PMFBP1: variants seen among roughly 807,000 people sequenced by gnomAD.
PMFBP1 encodes the protein polyamine-modulated factor 1-binding protein 1.
Under a neutral mutation model 137.8 loss-of-function variants are expected in PMFBP1, and 131 were observed. The ratio of observed to expected loss-of-function variants is 0.95; its 90% CI spans 0.82 to 1.10. The LOEUF is 1.10. Among genes scored for constraint, PMFBP1 ranks in the 50% least tolerant of loss-of-function variants. The pLI is 0.00. For synonymous variants in PMFBP1, 490 were observed against 450.4 expected, an observed-to-expected ratio of 1.09 and a Z score of -1.11; for missense variants, 1,199 against 1,175.4, an observed-to-expected ratio of 1.02 and a Z score of -0.29.
rs1398468250 is a variant in PMFBP1 at position 72,136,303 on chromosome 16, C to T, written c.1203+145G>A. On this transcript the variant is annotated intron_variant, in intron 9 of 20. Coordinates refer to ENST00000237353, the MANE Select transcript of PMFBP1 (RefSeq NM_031293.3). The stretch of plus-strand genomic sequence containing the variant: ...TACCAAAGAAGTGCTTAGAATTGAG[C>T]CTGGGCCTGAAGAGCCACCATCTCA... 10 of 882,950 alleles carry T rather than the reference C, an allele frequency of 1.1e-5. 1 individual carries two copies. The highest frequency in any genetic ancestry group is 1.7e-5 in the African/African-American group (1 of 59,466). 54.7% of individuals were successfully genotyped at this position (882,950 alleles called of 1,614,324 possible).
chr16:72,140,474 C>G lies in PMFBP1; in HGVS notation c.745G>C (p.Val249Leu). 3.1e-6 allele frequency: 5 copies of G among 1,614,002 alleles called. No individual in the cohort carries two copies. The highest frequency in any genetic ancestry group is 4.2e-6 in the Non-Finnish European group (5 of 1,179,892). Reference sequence around the variant, plus strand: ...TGAATGAGATCATCCTGTTGAGAGACCTTTTGCCAGACTTCAGACAGTCGT... The same window carrying G: ...TGAATGAGATCATCCTGTTGAGAGAGCTTTTGCCAGACTTCAGACAGTCGT... ...QKRLSEVWQK[V>L]SQQDDLIQEL... The change falls in exon 6 of 21, where the codon GTC becomes CTC. Residue 249 changes from valine (V) to leucine (L), a missense_variant. Coordinates refer to ENST00000237353, the MANE Select transcript of PMFBP1 (RefSeq NM_031293.3).
In PMFBP1 at chr16:72,130,731, G is replaced by A. The variant is rs1378064352; in HGVS notation, c.1448-9C>T. The A allele has an allele frequency of 1.2e-6, 2 of 1,604,742 alleles. No individual in the cohort carries two copies. The highest frequency in any genetic ancestry group is 2.7e-5 in the African/African-American group (2 of 74,758). ...CTGGGCTGCTTGCTGAGCTGCAGAA[G>A]CAGGGAGATGGCCATGTGAGAAGGG... is the stretch of plus-strand genomic sequence containing the variant. On this transcript the variant is annotated splice_polypyrimidine_tract_variant and intron_variant, in intron 10 of 20. Transcript: ENST00000237353.
intron 14 of PMFBP1, 37 bp downstream of exon 14, chr16:72,128,620 C>A: frequency 6.2e-7 from 1 of 1,613,934 alleles, no homozygotes; most frequent in Non-Finnish European, 8.5e-7. Flanking sequence ...TCACAGGGTT[C>A]AAATTCCTCA....
At chr16:72,226,841 A>C in the PMFBP1 span, among the ~76,000 whole-genome samples, 160 of 152,318 alleles carry the variant, frequency 1.1e-3, no homozygotes, top group South Asian at 5.2e-3. Flanking sequence ...TAACCCCTTG[A>C]TCTCCATCAG....
the PMFBP1 span, among the ~76,000 whole-genome samples, chr16:72,197,343 G>T: frequency 6.6e-6 from 1 of 152,186 alleles, no homozygotes; most frequent in African/African-American, 2.4e-5. Context: ...AGGAGGCCTT[G>T]TTAGCAACCC....
At chr16:72,125,914 C>T in intron 15 of PMFBP1, 54 bp downstream of exon 15, 5 of 1,587,346 alleles carry the variant, frequency 3.1e-6, no homozygotes, top group Non-Finnish European at 4.3e-6. Flanking sequence ...CTCCCGCTAC[C>T]TTGACGTTTC....
chr16:72,229,587 TG>T, the PMFBP1 span, among the ~76,000 whole-genome samples: 47 of 152,316 alleles, frequency 3.1e-4, no homozygotes, highest in African/African-American at 1.1e-3. Context: ...GATTTAGATT[TG>T]CCTTTCTCTA....
At chr16:72,137,781 C>T (rs1470568959) in intron 7 of PMFBP1, among the ~76,000 whole-genome samples, 28 of 152,068 alleles carry the variant, frequency 1.8e-4, no homozygotes, top group Non-Finnish European at 1.5e-5. Flanking sequence ...AGGAGCAATT[C>T]GTTGCCTGGC....
At position 72,123,622 on chromosome 16, in the gene PMFBP1, G is replaced by A. The variant is rs764447276; in HGVS notation, c.2617C>T (p.Pro873Ser). Residue 873 changes from proline to serine, a missense_variant, in exon 18 of 21, where the codon CCC becomes TCC. Pro to Ser is a moderately conservative substitution (Grantham distance 74). Transcript: ENST00000237353. The part of the protein sequence containing the change: ...EPCCLPQWSV[P>S]KDTCRLYRGN... ...CGGTAGAGCCTACAGGTGTCTTTGG[G>A]CACAGACCACTGGGGCAGGCAGCAG... is the stretch of plus-strand genomic sequence containing the variant. 3.7e-6 allele frequency: 6 copies of A among 1,613,860 alleles called. No homozygotes were observed. Among genetic ancestry groups the A allele is most frequent in the Non-Finnish European group, 5.1e-6 (6 of 1,179,902 alleles).
chr16:72,160,780 A>G (rs1196444679), intron 3 of PMFBP1, among the ~76,000 whole-genome samples: 1 of 152,204 alleles, frequency 6.6e-6, no homozygotes, highest in Non-Finnish European at 1.5e-5. Flanking sequence ...TAGTTGAAAA[A>G]TTCTAAGTGC....
At chr16:72,128,970 C>T in intron 13 of PMFBP1, 96 bp downstream of exon 13, 2 of 1,532,580 alleles carry the variant, frequency 1.3e-6, no homozygotes, top group East Asian at 2.2e-5. Flanking sequence ...TTCCTAAGCT[C>T]TGAGCATCCA....
intron 3 of PMFBP1, 122 bp downstream of exon 3, chr16:72,164,642 C>T: frequency 7.5e-7 from 1 of 1,330,364 alleles, no homozygotes; most frequent in South Asian, 1.4e-5. Flanking sequence ...AATTCTCTCT[C>T]ATTGCTTGCT....
intron 5 of PMFBP1, among the ~76,000 whole-genome samples, chr16:72,141,152 G>T (rs570720816): frequency 3.3e-5 from 5 of 152,118 alleles, no homozygotes; most frequent in African/African-American, 9.6e-5. Context: ...GGCCAGGCAG[G>T]TCTCAAACTG....
chr16:72,166,151 C>T lies in PMFBP1; in HGVS notation c.13-1235G>A, dbSNP rs772475452. Among the ~76,000 whole-genome samples, 86 of 152,286 alleles carry T rather than the reference C, an allele frequency of 5.6e-4. 1 individual carries two copies. The highest frequency in any genetic ancestry group is 1.1e-3 in the Non-Finnish European group (72 of 68,020). ...TCATGGTCAGTACATGGTTTGGCTC[C>T]AAGTCCCCAACCAAACCTCATCTCA... On this transcript the variant is annotated intron_variant, in intron 2 of 20. Coordinates refer to ENST00000237353, the MANE Select transcript of PMFBP1 (RefSeq NM_031293.3).
At chr16:72,175,941 A>G (rs1567646613), upstream of PMFBP1, among the ~76,000 whole-genome samples, 1 of 152,156 alleles carries the variant, frequency 6.6e-6, no homozygotes, top group African/African-American at 2.4e-5. Context: ...CAATGTGCAG[A>G]GGCTTGGTGT....
At chr16:72,136,361 T>C (rs1178984896) in intron 9 of PMFBP1, 87 bp downstream of exon 9, 4 of 1,472,084 alleles carry the variant, frequency 2.7e-6, no homozygotes, top group Admixed American at 2.0e-5. Flanking sequence ...AAAGCAATAA[T>C]GGTGGGTGAA....
chr16:72,133,887 C>G (rs1361076522), intron 9 of PMFBP1, among the ~76,000 whole-genome samples: 1 of 152,058 alleles, frequency 6.6e-6, no homozygotes, highest in Non-Finnish European at 1.5e-5. Flanking sequence ...CAGGCCGAGG[C>G]AGGTGGATCA....
intron 5 of PMFBP1, among the ~76,000 whole-genome samples, chr16:72,149,258 TAC>T (rs1426272760): frequency 6.6e-6 from 1 of 152,212 alleles, no homozygotes; most frequent in African/African-American, 2.4e-5. Context: ...AATGAAAACG[TAC>T]AGTGTGGATG....
chr16:72,133,075 C>G lies in PMFBP1; in HGVS notation c.1204-84G>C, dbSNP rs576074292. The G allele has an allele frequency of 4.1e-3, 6,242 of 1,506,780 alleles. 34 individuals carry two copies. The highest frequency in any genetic ancestry group is 8.8e-3 in the South Asian group (696 of 78,758). The allele number at this position is 1,506,780 out of a possible 1,614,324, so 93.3% of individuals were successfully genotyped here. A position where few individuals can be genotyped will look rare whatever the true frequency, so the allele number is the denominator to read the frequency against. The stretch of plus-strand genomic sequence containing the variant: ...TGAGAGGTTGTCTCAAGCCCTCATC[C>G]AAGCCACTGGCATCCCCTGCCTGGA... On this transcript the variant is annotated intron_variant, in intron 9 of 20. Transcript: ENST00000237353.
Sources: allele counts gnomAD v4.1 joint callset (sites outside exome capture counted in the v4.1 genomes callset), GRCh38; gene constraint gnomAD v4.1.1; transcripts MANE v1.5; gene names NCBI Gene and HGNC (gene_info 2026-07-23, HGNC 2026-07-21).